Variants in KIF1B observed in about 807,000 individuals in gnomAD.
The protein encoded by KIF1B is kinesin family member 1B, also known as kinesin-like protein KIF1B.
A neutral mutation model predicts 241.9 loss-of-function variants in KIF1B; 76 were observed. That is an observed-to-expected ratio of 0.31 (90% CI 0.26 to 0.38). The LOEUF (loss-of-function observed/expected upper bound fraction) is 0.38, where lower values mean the gene tolerates loss of function less well. Among genes scored for constraint, KIF1B ranks in the 10% least tolerant of loss-of-function variants. The probability of loss-of-function intolerance (pLI) is 1.00; values close to 1 mark genes in which losing one functional copy is unlikely to be tolerated. For synonymous variants in KIF1B, 750 were observed against 796.7 expected, an observed-to-expected ratio of 0.94 and a Z score of 0.99; for missense variants, 1,622 against 2,271.4, an observed-to-expected ratio of 0.71 and a Z score of 5.81.
intron 1 of KIF1B, among the ~76,000 whole-genome samples, chr1:10,227,108 T>A (rs1201807849): frequency 7.1e-6 from 1 of 141,252 alleles, no homozygotes; most frequent in East Asian, 2.3e-4. Context: ...CGATCTCAGC[T>A]CACTGCAACC....
chr1:10,368,288 A>T (rs1451431708), intron 43 of KIF1B, among the ~76,000 whole-genome samples, 179 bp from the exon 44 acceptor site: 1 of 152,174 alleles, frequency 6.6e-6, no homozygotes, highest in Non-Finnish European at 1.5e-5. Flanking sequence ...ATTAGAAAGG[A>T]CAGTGCAAAG....
intron 2 of KIF1B, among the ~76,000 whole-genome samples, chr1:10,235,289 G>A (rs1237867732): frequency 2.0e-5 from 3 of 152,140 alleles, no homozygotes; most frequent in Admixed American, 2.0e-4. Flanking sequence ...TCTCACTCTT[G>A]TTACCCAGGC....
chr1:10,313,419 A>G (rs1267456011), intron 22 of KIF1B, among the ~76,000 whole-genome samples: 1 of 151,408 alleles, frequency 6.6e-6, no homozygotes, highest in East Asian at 1.9e-4. Flanking sequence ...CATGTTTAAC[A>G]TTAAGAACAC....
intron 2 of KIF1B, among the ~76,000 whole-genome samples, chr1:10,247,317 A>G (rs1251970879): frequency 6.6e-6 from 1 of 152,206 alleles, no homozygotes; most frequent in African/African-American, 2.4e-5. Context: ...TTTCATTCAG[A>G]TTCCTGCTCA....
At position 10,378,281 on chromosome 1, in the gene KIF1B, C is replaced by G; in HGVS notation, c.*1694C>G. The G allele has an allele frequency of 1.4e-6, 1 of 717,104 alleles. No individual in the cohort carries two copies. 44.4% of individuals were successfully genotyped at this position (717,104 alleles called of 1,614,324 possible). Reference sequence around the variant, plus strand: ...TGCTCCTCTCCATCTGGTGTGGAAACACTGCCCAGGGAGAAAGGAGGAAGC... The same window carrying G: ...TGCTCCTCTCCATCTGGTGTGGAAAGACTGCCCAGGGAGAAAGGAGGAAGC... On this transcript the variant is annotated 3_prime_UTR_variant, in exon 49 of 49. Coordinates refer to ENST00000676179, the MANE Select transcript of KIF1B (RefSeq NM_001365951.3).
At chr1:10,315,945 A>G (rs1651284498) in intron 22 of KIF1B, among the ~76,000 whole-genome samples, 1 of 150,732 alleles carries the variant, frequency 6.6e-6, no homozygotes, top group Non-Finnish European at 1.5e-5. Flanking sequence ...AGTCCCAGCT[A>G]CTTGGGAGGC....
chr1:10,370,302 C>T (rs1638692988), intron 44 of KIF1B, among the ~76,000 whole-genome samples: 1 of 152,110 alleles, frequency 6.6e-6, no homozygotes. Context: ...TGGCTCACAT[C>T]TGTAATCCTG....
chr1:10,296,633 A>G lies in KIF1B; in HGVS notation c.1829A>G (p.Lys610Arg), dbSNP rs1650278006. 6.2e-7 allele frequency: 1 copy of G among 1,613,906 alleles called. No individual in the cohort carries two copies. Among genetic ancestry groups the G allele is most frequent in the South Asian group, 1.1e-5 (1 of 91,060 alleles). Reference sequence around the variant, plus strand: ...CGCTCAGAAACCTACGTAAATGGCAAGAGGGTGTCCCAGCCTGTTCAGCTG... The same window carrying G: ...CGCTCAGAAACCTACGTAAATGGCAGGAGGGTGTCCCAGCCTGTTCAGCTG... ...CERSETYVNG[K>R]RVSQPVQLRS... Residue 610 changes from lysine to arginine, a missense_variant, in exon 20 of 49, where the codon AAG becomes AGG. By Grantham distance (26) the Lys-to-Arg change is conservative. This residue lies in a region of KIF1B where 803 missense variants were observed against 1,112.0 expected (regional missense o/e 0.72). Transcript: ENST00000676179.
At chr1:10,333,064 A>T (rs1434833920) in intron 27 of KIF1B, among the ~76,000 whole-genome samples, 1 of 144,182 alleles carries the variant, frequency 6.9e-6, no homozygotes, top group Non-Finnish European at 1.5e-5. Context: ...CGCCTACCTC[A>T]GCCTCCCAAA....
At chr1:10,272,959 A>G in intron 9 of KIF1B, 55 bp from the exon 10 acceptor site, 1 of 1,426,600 alleles carries the variant, frequency 7.0e-7, no homozygotes, top group East Asian at 2.5e-5. Flanking sequence ...CTAATTTTCT[A>G]CTTGGAGGCT....
At chr1:10,327,201 C>T (rs1651757175) in intron 27 of KIF1B, among the ~76,000 whole-genome samples, 1 of 151,828 alleles carries the variant, frequency 6.6e-6, no homozygotes, top group Non-Finnish European at 1.5e-5. Flanking sequence ...CCCGTCTCTA[C>T]TAAAAATACA....
rs114537141 is a variant in KIF1B, at chr1:10,272,819, A to G, written c.865-195A>G. 4.4e-3 allele frequency among the ~76,000 whole-genome samples: 670 copies of G among 151,964 alleles called. 3 individuals are homozygous for G. The highest frequency in any genetic ancestry group is 0.015 in the African/African-American group (614 of 41,448). ...TTTTAAATTAGGGGCTTTGTTGTCTACATTATTTAAATTAGTCATTGTGTG... is the reference window on the plus strand; with the variant it reads ...TTTTAAATTAGGGGCTTTGTTGTCTGCATTATTTAAATTAGTCATTGTGTG... On this transcript the variant is annotated intron_variant, in intron 9 of 48. Transcript: ENST00000676179.
chr1:10,363,388 T>C (rs1216674951), intron 41 of KIF1B, 44 bp downstream of exon 41: 1 of 1,490,924 alleles, frequency 6.7e-7, no homozygotes, highest in East Asian at 2.3e-5. Context: ...TCTTTGTGTA[T>C]GTTTCAAGTA....
chr1:10,257,047 A>G (rs546877455), intron 3 of KIF1B, among the ~76,000 whole-genome samples: 29 of 151,678 alleles, frequency 1.9e-4, no homozygotes, highest in South Asian at 6.2e-4. Context: ...GGGTACTGTT[A>G]ATTTTAAGTT....
chr1:10,282,774 G>T (rs1569696613), intron 15 of KIF1B, among the ~76,000 whole-genome samples: 1 of 151,542 alleles, frequency 6.6e-6, no homozygotes, highest in Non-Finnish European at 1.5e-5. Flanking sequence ...GCAAGGCAGA[G>T]TAACAGATTA....
At chr1:10,300,820 T>TCTTCAGGAGTC (rs1650504799) in intron 22 of KIF1B, among the ~76,000 whole-genome samples, 1 of 152,180 alleles carries the variant, frequency 6.6e-6, no homozygotes, top group Non-Finnish European at 1.5e-5. Flanking sequence ...TTTTAAAAAC[T>TCTTCAGGAGTC]AAAAATGAAA....
intron 31 of KIF1B, 45 bp from the exon 32 acceptor site, chr1:10,339,724 C>A: frequency 6.6e-7 from 1 of 1,514,890 alleles, no homozygotes; most frequent in South Asian, 1.1e-5. Flanking sequence ...TCTGATAAAA[C>A]CGTTTAATGC....
Position 10,303,716 on chromosome 1 carries a change from TA to T in KIF1B, c.2115+6474del. 6.2e-7 allele frequency: 1 copy of T among 1,614,088 alleles called. No homozygotes were observed. The highest frequency in any genetic ancestry group is 8.5e-7 in the Non-Finnish European group (1 of 1,180,022). ...CAAAATAACATGAAAGACGAGGAGATAAAAGTCTTAAGAAATAAAATGCTCA... is the reference window on the plus strand; with the variant it reads ...CAAAATAACATGAAAGACGAGGAGATAAAGTCTTAAGAAATAAAATGCTCA... On this transcript the variant is annotated intron_variant, in intron 22 of 48. Transcript: ENST00000676179. This position sits in a 1 kb window ranked among gnomAD's most constrained non-coding sequence, Gnocchi z 5.2.
intron 25 of KIF1B, among the ~76,000 whole-genome samples, chr1:10,324,391 A>G (rs769359123): frequency 1.3e-5 from 2 of 152,240 alleles, no homozygotes; most frequent in South Asian, 4.1e-4. Flanking sequence ...AGGATAATCA[A>G]TAATAAACAT....
Sources: allele counts gnomAD v4.1 joint callset (sites outside exome capture counted in the v4.1 genomes callset), GRCh38; gene constraint gnomAD v4.1.1; regional missense constraint gnomAD v4.1.1; non-coding constraint Gnocchi (gnomAD v3.1); transcripts MANE v1.5; gene names NCBI Gene and HGNC (gene_info 2026-07-23, HGNC 2026-07-21).